GDA: variants seen among roughly 807,000 people sequenced by gnomAD.
GDA encodes the protein guanine deaminase, also known as cytoplasmic PSD-95 interactor.
In GDA, 18 loss-of-function variants were observed where a neutral mutation model predicts 59.6. The ratio of observed to expected loss-of-function variants is 0.30; its 90% CI spans 0.21 to 0.45. The LOEUF (loss-of-function observed/expected upper bound fraction) is 0.45, where lower values mean the gene tolerates loss of function less well. Among genes scored for constraint, GDA ranks in the 20% least tolerant of loss-of-function variants. GDA has a pLI of 1.00. For missense variants in GDA, 427 were observed against 552.3 expected (o/e 0.77, Z 2.27); for synonymous variants, 201 against 201.1 (o/e 1.00, Z 0.00).
chr9:72,178,828 G>GT lies in GDA; in HGVS notation c.124-16671dup, dbSNP rs1484623745. 2.6e-5 allele frequency among the ~76,000 whole-genome samples: 4 copies of GT among 152,190 alleles called. No individual in the cohort carries two copies. The East Asian group carries it at 7.7e-4, about 29-fold the overall frequency. On this transcript the variant is annotated intron_variant, in intron 1 of 13. Coordinates refer to ENST00000358399, the MANE Select transcript of GDA (RefSeq NM_004293.5). ...CCTATGCATTTGAATTGTGTAAAAT[G>GT]TAAGTGTAGGATTTTACATACATTC...
rs975912501 is a variant in GDA, at chr9:72,213,620, G to A, written c.473-266G>A. Among the ~76,000 whole-genome samples the A allele has an allele frequency of 2.7e-4, 41 of 151,828 alleles. No homozygotes were observed. The South Asian group carries it at 2.9e-3, about 11-fold the overall frequency. ...AGATCGAGACCATCTTGGCTAACAC[G>A]GTGAAACCCCGTCTCTACTAAAAAT... On this transcript the variant is annotated intron_variant, in intron 4 of 13. Coordinates refer to ENST00000358399, the MANE Select transcript of GDA (RefSeq NM_004293.5).
intron 8 of GDA, among the ~76,000 whole-genome samples, chr9:72,226,989 G>T (rs1255664794): frequency 2.0e-5 from 3 of 152,088 alleles, no homozygotes; most frequent in African/African-American, 7.2e-5. Context: ...GTGGTGGCAG[G>T]CGCCTGTAGT....
At chr9:72,230,987 G>A (rs754620309) in intron 9 of GDA, 127 bp from the exon 10 acceptor site, 2 of 705,646 alleles carry the variant, frequency 2.8e-6, no homozygotes, top group Non-Finnish European at 5.2e-6. Flanking sequence ...TAATATGTTT[G>A]TGTCAACATT....
intron 10 of GDA, 74 bp from the exon 11 acceptor site, chr9:72,241,078 A>T (rs1839560601): frequency 9.3e-7 from 1 of 1,074,456 alleles, no homozygotes; most frequent in Non-Finnish European, 1.3e-6. Flanking sequence ...TCTGTCATAA[A>T]AACAATGTTA....
At chr9:72,223,067 A>C (rs967766076) in intron 6 of GDA, 53 bp from the exon 7 acceptor site, 1 of 927,526 alleles carries the variant, frequency 1.1e-6, no homozygotes, top group Non-Finnish European at 1.7e-6. Flanking sequence ...TCTTGAGTTA[A>C]TTTTTGTATA....
upstream of GDA, among the ~76,000 whole-genome samples, chr9:72,148,039 G>T (rs1314744305): frequency 6.6e-6 from 1 of 152,144 alleles, no homozygotes; most frequent in Non-Finnish European, 1.5e-5. Context: ...GGTTATGGGG[G>T]AGCTGAAGGA....
chr9:72,119,084 A>G (rs1434076125), intron 1 of GDA, among the ~76,000 whole-genome samples: 1 of 152,238 alleles, frequency 6.6e-6, no homozygotes, highest in East Asian at 1.9e-4. Context: ...ATAAATAAAA[A>G]ATATGAGTTA....
At position 72,213,599 on chromosome 9, in the gene GDA, C is replaced by T. The variant is rs552741146; in HGVS notation, c.473-287C>T. Among the ~76,000 whole-genome samples the T allele has an allele frequency of 1.9e-3, 286 of 151,428 alleles. 2 individuals are homozygous for T. The South Asian group carries it at 0.019, about 10-fold the overall frequency. ...CGGGCGGATCACAAGGTCAGGAGAT[C>T]GAGACCATCTTGGCTAACACGGTGA... On this transcript the variant is annotated intron_variant, in intron 4 of 13. Coordinates refer to ENST00000358399, the MANE Select transcript of GDA (RefSeq NM_004293.5).
At chr9:72,176,759 C>T (rs1830580206) in intron 1 of GDA, among the ~76,000 whole-genome samples, 1 of 152,160 alleles carries the variant, frequency 6.6e-6, no homozygotes, top group Admixed American at 6.5e-5. Flanking sequence ...TACATGATGG[C>T]TTTTCCAATA....
At chr9:72,175,039 A>G (rs1830397245) in intron 1 of GDA, among the ~76,000 whole-genome samples, 3 of 152,162 alleles carry the variant, frequency 2.0e-5, no homozygotes, top group African/African-American at 7.2e-5. Flanking sequence ...AGCAAGGTAT[A>G]GGATGGCTGC....
chr9:72,252,389 A>C (rs1587825079), downstream of GDA, among the ~76,000 whole-genome samples: 1 of 152,146 alleles, frequency 6.6e-6, no homozygotes. Flanking sequence ...TATAATAGTC[A>C]CTATACATAG....
At chr9:72,120,214 G>GTTTTTT in intron 1 of GDA, among the ~76,000 whole-genome samples, 1 of 147,786 alleles carries the variant, frequency 6.8e-6, no homozygotes, top group African/African-American at 2.5e-5. Context: ...TTGAGATAGA[G>GTTTTTT]TCTCCCTCTG....
chr9:72,252,364 A>G (rs1246146953), downstream of GDA: 1 of 152,254 alleles, frequency 6.6e-6, no homozygotes, highest in African/African-American at 2.4e-5. Context: ...GTGAGCCAAC[A>G]TGTATCTAAC....
At chr9:72,149,746 C>T in intron 1 of GDA, 64 bp downstream of exon 1, 1 of 1,478,932 alleles carries the variant, frequency 6.8e-7, no homozygotes, top group Admixed American at 2.4e-5. Flanking sequence ...GAACCTGGCG[C>T]GGTGCTTCGC....
intron 1 of GDA, among the ~76,000 whole-genome samples, chr9:72,191,694 T>C (rs573374910): frequency 6.6e-6 from 1 of 152,168 alleles, no homozygotes; most frequent in Non-Finnish European, 1.5e-5. Flanking sequence ...CAAGTGATTC[T>C]TTTGCCTCAG....
At chr9:72,214,744 C>A in intron 5 of GDA, 1 of 287,160 alleles carries the variant, frequency 3.5e-6, no homozygotes, top group Non-Finnish European at 6.6e-6. Flanking sequence ...CTTTTCTTTT[C>A]TTTTTTTGAG....
At chr9:72,137,204 A>AT (rs760467100) in intron 1 of GDA, among the ~76,000 whole-genome samples, 270 of 53,020 alleles carry the variant, frequency 5.1e-3, no homozygotes, top group Non-Finnish European at 7.9e-3. Flanking sequence ...AAATAAATAA[A>AT]TTAAAAAAAA....
chr9:72,222,316 G>A (rs1836987756), intron 6 of GDA, among the ~76,000 whole-genome samples: 1 of 152,148 alleles, frequency 6.6e-6, no homozygotes, highest in African/African-American at 2.4e-5. Flanking sequence ...GATCAGTGAT[G>A]TTGAGCTTTT....
chr9:72,239,988 T>C (rs1344125023), intron 10 of GDA, among the ~76,000 whole-genome samples: 1 of 152,200 alleles, frequency 6.6e-6, no homozygotes, highest in African/African-American at 2.4e-5. Flanking sequence ...GAAGGAACAC[T>C]TGAAATATGA....
Sources: allele counts gnomAD v4.1 joint callset (sites outside exome capture counted in the v4.1 genomes callset), GRCh38; gene constraint gnomAD v4.1.1; transcripts MANE v1.5; gene names NCBI Gene and HGNC (gene_info 2026-07-23, HGNC 2026-07-21).